PLEKHB2: variants seen among roughly 807,000 people sequenced by gnomAD.
The protein encoded by PLEKHB2 is pleckstrin homology domain-containing family B member 2.
Under a neutral mutation model 36.5 loss-of-function variants are expected in PLEKHB2, and 31 were observed. That is an observed-to-expected ratio of 0.85 (90% CI 0.64 to 1.15). The LOEUF is 1.15. PLEKHB2 is among the 50% of genes most tolerant of loss of function. The pLI, the probability that PLEKHB2 is intolerant of heterozygous loss-of-function variation, is 0.00. For missense variants in PLEKHB2, 262 were observed against 295.3 expected (o/e 0.89, Z 0.83); for synonymous variants, 119 against 112.0 (o/e 1.06, Z -0.39).
rs34216572 is a variant in PLEKHB2, at chr2:131,146,573, C to CTT, written c.533-62_533-61dup. The CTT allele has an allele frequency of 7.9e-6, 12 of 1,526,634 alleles. No individual in the cohort carries two copies. In the East Asian group the frequency reaches 2.3e-4, roughly 30 times the overall value. The allele number at this position is 1,526,634 out of a possible 1,614,324, so 94.6% of individuals were successfully genotyped here. On this transcript the variant is annotated intron_variant, in intron 7 of 7. Coordinates refer to ENST00000693505, the MANE Select transcript of PLEKHB2 (RefSeq NM_001100623.2). ...CCCTTTTGTGAAAGGAGAACTGGTA[C>CTT]TTTGCGTGATGTTAAACTTCACAAA...
chr2:131,123,776 C>CCCA (rs1696796531), intron 2 of PLEKHB2, among the ~76,000 whole-genome samples: 1 of 11,996 alleles, frequency 8.3e-5, no homozygotes, highest in East Asian at 9.4e-3. Flanking sequence ...ACCCCCCCCA[C>CCCA]CCCCCCCCCC....
Position 131,143,831 on chromosome 2 carries a change from C to T in PLEKHB2, c.533-2806C>T, listed in dbSNP as rs532268813. Among the ~76,000 whole-genome samples, 20 of 152,340 alleles carry T rather than the reference C, an allele frequency of 1.3e-4. 1 individual carries two copies. The highest frequency in any genetic ancestry group is 4.8e-4 in the African/African-American group (20 of 41,570). ...AGCCCACAGAATAGGGCTGTTGCCG[C>T]TGTTTCTTACTGTATAGAGAGCACA... On this transcript the variant is annotated intron_variant, in intron 7 of 7. Coordinates refer to ENST00000693505, the MANE Select transcript of PLEKHB2 (RefSeq NM_001100623.2).
intron 1 of PLEKHB2, among the ~76,000 whole-genome samples, chr2:131,110,994 A>G (rs926981700): frequency 2.0e-5 from 3 of 151,840 alleles, no homozygotes; most frequent in Non-Finnish European, 4.4e-5. Context: ...TATTTATGAA[A>G]TTCTCCTATA....
chr2:131,118,143 C>T (rs764618447), intron 1 of PLEKHB2, among the ~76,000 whole-genome samples: 1 of 152,104 alleles, frequency 6.6e-6, no homozygotes. Context: ...TGCCCCCAGC[C>T]GGTTCCTCAT....
chr2:131,130,866 T>C, intron 5 of PLEKHB2, 106 bp downstream of exon 5: 1 of 772,320 alleles, frequency 1.3e-6, no homozygotes, highest in Admixed American at 2.2e-5. Context: ...CTGCAGCCTC[T>C]ACCTCTCGGG....
In PLEKHB2 at chr2:131,126,734, T is replaced by C; in HGVS notation, c.241T>C (p.Cys81Arg). The C allele has an allele frequency of 6.2e-7, 1 of 1,612,496 alleles. No individual in the cohort carries two copies. Among genetic ancestry groups the C allele is most frequent in the Non-Finnish European group, 8.5e-7 (1 of 1,178,482 alleles). Residue 81 changes from cysteine (C) to arginine (R), a missense_variant, in exon 4 of 8, where the codon TGT becomes CGT. Transcript: ENST00000693505. The part of the protein sequence containing the change: ...KSKDCMLQIV[C>R]RDGKTISLCA... ...AAAAGACTGCATGCTCCAGATTGTT[T>C]GTCGAGATGGGAAAACAATTAGTCT...
rs1412100986 is a variant in PLEKHB2 at position 131,148,469 on chromosome 2, GCCCCACA to G, written c.*1698_*1704del. On this transcript the variant is annotated 3_prime_UTR_variant, in exon 8 of 8. Transcript: ENST00000693505. ...GCAGTTTAGCACAGCGAATGTCCCT[GCCCCACA>G]CTCCATATGGTCCTGTTTTCCTGAA... 4 of 152,284 alleles carry G rather than the reference GCCCCACA, an allele frequency of 2.6e-5. No homozygotes were observed. In the East Asian group the frequency reaches 7.7e-4, roughly 29 times the overall value. The allele number at this position is 152,284 out of a possible 1,614,324, so 9.4% of individuals were successfully genotyped here.
Position 131,125,770 on chromosome 2 carries a change from T to C in PLEKHB2, c.55T>C (p.Trp19Arg). Residue 19 changes from tryptophan (W) to arginine (R), a missense_variant, in exon 3 of 8, where the codon TGG becomes CGG. Coordinates refer to ENST00000693505, the MANE Select transcript of PLEKHB2 (RefSeq NM_001100623.2). ...LLRQSTILKRWKKNWFDLWSD... is the reference protein window; with the variant it reads ...LLRQSTILKRRKKNWFDLWSD... ...TTTTCCAGGTACTATTTTGAAGCGC[T>C]GGAAGAAGAACTGGTTTGATCTGTG... The C allele has an allele frequency of 6.2e-7, 1 of 1,610,142 alleles. No homozygotes were observed. The highest frequency in any genetic ancestry group is 8.5e-7 in the Non-Finnish European group (1 of 1,178,182).
intron 7 of PLEKHB2, among the ~76,000 whole-genome samples, chr2:131,142,564 T>C (rs918438450): frequency 3.3e-5 from 5 of 151,080 alleles, no homozygotes; most frequent in African/African-American, 1.2e-4. Flanking sequence ...TAGAATATGT[T>C]TCTTTTTTTT....
chr2:131,138,329 G>A (rs1354098831), intron 6 of PLEKHB2, among the ~76,000 whole-genome samples: 1 of 152,024 alleles, frequency 6.6e-6, no homozygotes, highest in Non-Finnish European at 1.5e-5. Context: ...ATAATTGCTT[G>A]TTGAAAGGTT....
At chr2:131,113,386 G>T (rs1412061622) in intron 1 of PLEKHB2, among the ~76,000 whole-genome samples, 2 of 152,204 alleles carry the variant, frequency 1.3e-5, no homozygotes, top group Non-Finnish European at 2.9e-5. Flanking sequence ...CTGCATAATT[G>T]ATTTCTTGCT....
intron 1 of PLEKHB2, among the ~76,000 whole-genome samples, chr2:131,113,584 C>G (rs368986510): frequency 5.3e-5 from 8 of 152,126 alleles, no homozygotes; most frequent in African/African-American, 1.7e-4. Flanking sequence ...AAGTCTGTCT[C>G]TTGGTGAGCT....
At chr2:131,146,310 C>T (rs537107412) in intron 7 of PLEKHB2, among the ~76,000 whole-genome samples, 5 of 152,164 alleles carry the variant, frequency 3.3e-5, no homozygotes, top group Admixed American at 2.0e-4. Flanking sequence ...CTGTGTGTCT[C>T]CCATGTTCCC....
chr2:131,120,768 G>T, intron 1 of PLEKHB2, 166 bp from the exon 2 acceptor site: 1 of 713,940 alleles, frequency 1.4e-6, no homozygotes, highest in Non-Finnish European at 2.5e-6. Context: ...CGGGGCACAT[G>T]AACCCCAATG....
intron 1 of PLEKHB2, among the ~76,000 whole-genome samples, chr2:131,118,082 T>C (rs190380980): frequency 7.1e-4 from 108 of 152,022 alleles, no homozygotes; most frequent in African/African-American, 2.4e-3. Flanking sequence ...GGTTTGGGGG[T>C]TGGTGAAGTA....
intron 5 of PLEKHB2, among the ~76,000 whole-genome samples, 159 bp from the exon 6 acceptor site, chr2:131,132,743 C>G (rs2104911655): frequency 6.6e-6 from 1 of 152,214 alleles, no homozygotes; most frequent in Admixed American, 6.5e-5. Flanking sequence ...GGGTGGGGGC[C>G]CCCACTGGAC....
Position 131,140,227 on chromosome 2 carries a change from G to A in PLEKHB2, c.484G>A (p.Ala162Thr), listed in dbSNP as rs199974881. 5.5e-5 allele frequency: 88 copies of A among 1,613,388 alleles called. No individual in the cohort carries two copies. In the Admixed American group the frequency reaches 7.2e-4, roughly 13 times the overall value. ...AYPPGTQVVY[A>T]ANGQAYAVPY... is the part of the protein sequence containing the mutation. ...CCCGCCAGGAACTCAAGTTGTCTAC[G>A]CTGCGAATGGGCAGGCGTATGCCGT... Residue 162 changes from alanine (A) to threonine (T), a missense_variant, in exon 7 of 8, where the codon GCT becomes ACT. Coordinates refer to ENST00000693505, the MANE Select transcript of PLEKHB2 (RefSeq NM_001100623.2).
At chr2:131,108,534 C>A (rs1024203436) in intron 1 of PLEKHB2, among the ~76,000 whole-genome samples, 6 of 152,200 alleles carry the variant, frequency 3.9e-5, no homozygotes, top group African/African-American at 1.4e-4. Context: ...GTTCTTAGAA[C>A]AGGGCTGTCC....
At chr2:131,132,761 G>T (rs566193045) in intron 5 of PLEKHB2, 141 bp from the exon 6 acceptor site, 2 of 562,122 alleles carry the variant, frequency 3.6e-6, no homozygotes, top group Admixed American at 3.0e-5. Flanking sequence ...GACTGGGGGA[G>T]TTTTTCCTGT....
Sources: allele counts gnomAD v4.1 joint callset (sites outside exome capture counted in the v4.1 genomes callset), GRCh38; gene constraint gnomAD v4.1.1; transcripts MANE v1.5; gene names NCBI Gene and HGNC (gene_info 2026-07-23, HGNC 2026-07-21).